VPS50: variants seen among roughly 807,000 people sequenced by gnomAD.
The protein encoded by VPS50 is VPS50 subunit of EARP/GARPII complex, also known as syndetin.
Under a neutral mutation model 139.7 loss-of-function variants are expected in VPS50, and 70 were observed. That is an observed-to-expected ratio of 0.50 (90% CI 0.41 to 0.61). The LOEUF is 0.61. VPS50 is among the 20% of genes least tolerant of loss of function. The pLI, the probability that VPS50 is intolerant of heterozygous loss-of-function variation, is 0.00. For synonymous variants in VPS50, 365 were observed against 376.7 expected (o/e 0.97, Z 0.36); for missense variants, 921 against 1,133.7 (o/e 0.81, Z 2.69).
chr7:93,257,138 G>A (rs1426620815), intron 5 of VPS50, among the ~76,000 whole-genome samples: 1 of 151,906 alleles, frequency 6.6e-6, no homozygotes, highest in Non-Finnish European at 1.5e-5. Flanking sequence ...CAAGAAGTTG[G>A]GTCTAGATTT....
intron 9 of VPS50, among the ~76,000 whole-genome samples, chr7:93,269,668 C>G (rs181626742): frequency 6.6e-6 from 1 of 152,106 alleles, no homozygotes; most frequent in Non-Finnish European, 1.5e-5. Flanking sequence ...TTGAAAGGCT[C>G]TATAAGAAGC....
chr7:93,308,897 A>AACG lies in VPS50; in HGVS notation c.1705_1707dup (p.Arg569dup). 2 of 1,607,288 alleles carry AACG rather than the reference A, an allele frequency of 1.2e-6. No individual in the cohort carries two copies. Among genetic ancestry groups the AACG allele is most frequent in the Non-Finnish European group, 8.5e-7 (1 of 1,174,426 alleles). ...GACAGTGATGTTCCTGAGGAACTCAAACGAGACTATGTGGATGAGCAGACA... is the reference window on the plus strand; with the variant it reads ...GACAGTGATGTTCCTGAGGAACTCAAACGACGAGACTATGTGGATGAGCAGACA... On this transcript the variant is annotated inframe_insertion, in exon 19 of 28. Coordinates refer to ENST00000305866, the MANE Select transcript of VPS50 (RefSeq NM_017667.4).
In VPS50 at chr7:93,346,587, A is replaced by G. The variant is rs1243229075; in HGVS notation, c.2208-2124A>G. Among the ~76,000 whole-genome samples, 10 of 152,112 alleles carry G rather than the reference A, an allele frequency of 6.6e-5. No homozygotes were observed. In the East Asian group the frequency reaches 7.7e-4, roughly 12 times the overall value. On this transcript the variant is annotated intron_variant, in intron 23 of 27. Transcript: ENST00000305866. ...TGACTTCAAACTATACTACAAGGCT[A>G]CAGTAACCAAAACAGCATGGTACTG...
chr7:93,356,010 T>C lies in VPS50; in HGVS notation c.2705T>C (p.Phe902Ser), dbSNP rs749101550. 6.3e-7 allele frequency: 1 copy of C among 1,583,204 alleles called. No individual in the cohort carries two copies. Among genetic ancestry groups the C allele is most frequent in the Non-Finnish European group, 8.6e-7 (1 of 1,157,030 alleles). The change falls in exon 27 of 28, where the codon TTT becomes TCT. Residue 902 changes from phenylalanine (F) to serine (S), a missense_variant. By Grantham distance (155) the Phe-to-Ser change is radical (BLOSUM62 -2). Around this residue, in one of 3 missense-constraint regions of VPS50, gnomAD observed 158 missense variants for 156.3 expected, o/e 1.01. Coordinates refer to ENST00000305866, the MANE Select transcript of VPS50 (RefSeq NM_017667.4). ...ATTAGACCCATTCCTGATAAAGAAT[T>C]TGTAGAAACTTATATTAAAGCTTAT... is the stretch of plus-strand genomic sequence containing the variant. Reference protein sequence around the residue: ...TDIRPIPDKEFVETYIKAYYL... With the variant: ...TDIRPIPDKESVETYIKAYYL...
intron 9 of VPS50, among the ~76,000 whole-genome samples, chr7:93,261,319 A>G (rs1418828822): frequency 6.6e-6 from 1 of 152,198 alleles, no homozygotes; most frequent in Non-Finnish European, 1.5e-5. Flanking sequence ...TAATCAGTAT[A>G]ATCCTTGGTT....
intron 20 of VPS50, among the ~76,000 whole-genome samples, chr7:93,319,394 C>T (rs980625608): frequency 6.6e-6 from 1 of 152,152 alleles, no homozygotes; most frequent in Non-Finnish European, 1.5e-5. Context: ...TGTATCTCTT[C>T]CCTATGGTCT....
chr7:93,317,835 A>G (rs1797473168), intron 20 of VPS50, among the ~76,000 whole-genome samples: 1 of 152,192 alleles, frequency 6.6e-6, no homozygotes, highest in Non-Finnish European at 1.5e-5. Context: ...AGTTGTTTTT[A>G]AAGTATCCTT....
intron 2 of VPS50, 36 bp downstream of exon 2, chr7:93,239,970 T>G (rs765638056): frequency 2.4e-6 from 3 of 1,242,800 alleles, no homozygotes; most frequent in South Asian, 2.4e-5. Context: ...ACTTTTTACT[T>G]CCTTAAGAAA....
At chr7:93,321,369 T>C (rs750982732) in intron 20 of VPS50, among the ~76,000 whole-genome samples, 214 of 152,310 alleles carry the variant, frequency 1.4e-3, no homozygotes, top group Middle Eastern at 3.4e-3. Flanking sequence ...TGAGGAGGCA[T>C]ATAAGCCTCC....
intron 20 of VPS50, among the ~76,000 whole-genome samples, chr7:93,316,362 T>C (rs1218142691): frequency 6.6e-6 from 1 of 152,056 alleles, no homozygotes; most frequent in Admixed American, 6.5e-5. Context: ...CCCAGCAGAT[T>C]TGCTGTTTTT....
Position 93,350,577 on chromosome 7 carries a change from A to G in VPS50, c.2463+544A>G, listed in dbSNP as rs372248881. Among the ~76,000 whole-genome samples the G allele has an allele frequency of 3.3e-5, 5 of 152,330 alleles. No individual in the cohort carries two copies. The South Asian group carries it at 8.3e-4, about 25-fold the overall frequency. On this transcript the variant is annotated intron_variant, in intron 25 of 27. Coordinates refer to ENST00000305866, the MANE Select transcript of VPS50 (RefSeq NM_017667.4). The stretch of plus-strand genomic sequence containing the variant: ...ACACGCTGATAGAAGTGCTGGCAGT[A>G]TAGCTGTGAATTCAGGAACTTATGT...
intron 2 of VPS50, among the ~76,000 whole-genome samples, chr7:93,241,420 A>G (rs1368981469): frequency 6.6e-6 from 1 of 152,152 alleles, no homozygotes; most frequent in Non-Finnish European, 1.5e-5. Flanking sequence ...GTAAGCCTAA[A>G]GCACTGGTCT....
chr7:93,322,599 C>CAAAAA (rs71528064), intron 20 of VPS50, among the ~76,000 whole-genome samples: 7 of 66,122 alleles, frequency 1.1e-4, no homozygotes, highest in African/African-American at 3.4e-4. Context: ...GACTCCGTCT[C>CAAAAA]AAAAAAAAAA....
chr7:93,289,811 C>A lies in VPS50; in HGVS notation c.943-1892C>A, dbSNP rs190852275. Among the ~76,000 whole-genome samples, 96 of 152,050 alleles carry A rather than the reference C, an allele frequency of 6.3e-4. 2 individuals are homozygous for A. The East Asian group carries it at 0.018, about 29-fold the overall frequency. On this transcript the variant is annotated intron_variant, in intron 12 of 27. Coordinates refer to ENST00000305866, the MANE Select transcript of VPS50 (RefSeq NM_017667.4). ...GTGCGATGCCATCTTTATCATATAC[C>A]AGATTTGTATATGAGACCAGATCTT...
chr7:93,319,616 C>A (rs1031933133), intron 20 of VPS50, among the ~76,000 whole-genome samples: 3 of 151,918 alleles, frequency 2.0e-5, no homozygotes, highest in African/African-American at 7.3e-5. Flanking sequence ...TATTTGTTTC[C>A]TTGATCCAGA....
In VPS50 at chr7:93,258,399, TAAC is replaced by T. The variant is rs758681295; in HGVS notation, c.576+10_576+12del. 3 of 1,611,988 alleles carry T rather than the reference TAAC, an allele frequency of 1.9e-6. No individual in the cohort carries two copies. Among genetic ancestry groups the T allele is most frequent in the Non-Finnish European group, 2.5e-6 (3 of 1,178,386 alleles). On this transcript the variant is annotated splice_region_variant and intron_variant, in intron 8 of 27. Coordinates refer to ENST00000305866, the MANE Select transcript of VPS50 (RefSeq NM_017667.4). ...GTTAAGTGAAATGCTGGAGGTAAGT[TAAC>T]AAGTTTTGGAAATTTAGGGTCCTAC...
At chr7:93,341,649 A>G (rs1798214209) in intron 23 of VPS50, 74 bp downstream of exon 23, 1 of 974,348 alleles carries the variant, frequency 1.0e-6, no homozygotes, top group Non-Finnish European at 1.5e-6. Context: ...GTTTAATTAG[A>G]CTTCTAGTTA....
intron 9 of VPS50, among the ~76,000 whole-genome samples, chr7:93,259,891 T>C (rs1176073245): frequency 6.6e-6 from 1 of 152,204 alleles, no homozygotes; most frequent in Non-Finnish European, 1.5e-5. Flanking sequence ...CAACTGATTC[T>C]ATTTTTATAG....
intron 4 of VPS50, among the ~76,000 whole-genome samples, chr7:93,255,616 A>G (rs1332970347): frequency 6.6e-6 from 1 of 152,212 alleles, no homozygotes; most frequent in Non-Finnish European, 1.5e-5. Context: ...ATTAAAGTCT[A>G]AAAGCCATTT....
Sources: allele counts gnomAD v4.1 joint callset (sites outside exome capture counted in the v4.1 genomes callset), GRCh38; gene constraint gnomAD v4.1.1; regional missense constraint gnomAD v4.1.1; transcripts MANE v1.5; gene names NCBI Gene and HGNC (gene_info 2026-07-23, HGNC 2026-07-21).